The following PEAK1 variants were observed in gnomAD, a reference collection of about 807,000 sequenced individuals.
PEAK1 encodes pseudopodium enriched atypical kinase 1, also known as inactive tyrosine-protein kinase PEAK1.
PEAK1 carries 54 observed loss-of-function variants against 124.7 expected under a neutral mutation model. That is an observed-to-expected ratio of 0.43 (90% CI 0.35 to 0.54). The LOEUF (loss-of-function observed/expected upper bound fraction) is 0.54, where lower values mean the gene tolerates loss of function less well. PEAK1 is among the 20% of genes least tolerant of loss of function. The probability of loss-of-function intolerance (pLI) is 0.01; values close to 1 mark genes in which losing one functional copy is unlikely to be tolerated. For missense variants in PEAK1, 2,046 were observed against 2,134.5 expected, an observed-to-expected ratio of 0.96 and a Z score of 0.82; for synonymous variants, 719 against 760.0, an observed-to-expected ratio of 0.95 and a Z score of 0.89.
intron 9 of PEAK1, among the ~76,000 whole-genome samples, chr15:77,132,627 G>A (rs558782292): frequency 7.3e-5 from 11 of 151,386 alleles, no homozygotes; most frequent in African/African-American, 9.7e-5. Context: ...CCTGGGAGGC[G>A]GAGGTTGCAG....
chr15:77,176,143 C>G (rs1362582244), intron 7 of PEAK1, among the ~76,000 whole-genome samples: 1 of 151,172 alleles, frequency 6.6e-6, no homozygotes, highest in South Asian at 2.1e-4. Context: ...AGGAGATATA[C>G]CTAATGCTAA....
At chr15:77,360,863 T>G (rs1460176753) in intron 2 of PEAK1, among the ~76,000 whole-genome samples, 1 of 152,006 alleles carries the variant, frequency 6.6e-6, no homozygotes. Flanking sequence ...CCCCTACCTC[T>G]CACCCTATAC....
intron 2 of PEAK1, among the ~76,000 whole-genome samples, chr15:77,343,504 T>A: frequency 1.5e-5 from 1 of 65,430 alleles, no homozygotes; most frequent in East Asian, 4.4e-4. Flanking sequence ...TTTTTTTTTT[T>A]GAGACGGAGT....
chr15:77,333,177 G>A, intron 2 of PEAK1: 5 of 937,738 alleles, frequency 5.3e-6, no homozygotes, highest in Non-Finnish European at 5.1e-6. Context: ...TAGCAAAGAG[G>A]TCTCACTTTA....
intron 2 of PEAK1, among the ~76,000 whole-genome samples, chr15:77,311,194 A>G (rs1366047632): frequency 6.6e-6 from 1 of 152,222 alleles, no homozygotes; most frequent in African/African-American, 2.4e-5. Flanking sequence ...GGCATCTCCC[A>G]TATGATAACT....
intron 2 of PEAK1, chr15:77,332,904 A>G: frequency 4.6e-6 from 1 of 216,212 alleles, no homozygotes; most frequent in Non-Finnish European, 7.9e-6. Flanking sequence ...TTTACTAATG[A>G]GATTGATGAT....
At chr15:77,173,138 A>G (rs911108986) in intron 7 of PEAK1, among the ~76,000 whole-genome samples, 2 of 152,150 alleles carry the variant, frequency 1.3e-5, no homozygotes, top group African/African-American at 4.8e-5. Context: ...CATGGCTTTG[A>G]TTTATGCTAA....
At position 77,181,898 on chromosome 15, in the gene PEAK1, T is replaced by C. The variant is rs2057296137; in HGVS notation, c.29A>G (p.His10Arg). Residue 10 changes from histidine to arginine, a missense_variant, in exon 7 of 10, where the codon CAT becomes CGT. Coordinates refer to ENST00000682557, the MANE Select transcript of PEAK1 (RefSeq NM_001385026.1). Reference protein sequence around the residue: MSACNTFTEHVWKPGECKNC... With the variant: MSACNTFTERVWKPGECKNC... ...CTTGCATTCACCAGGTTTCCAAACA[T>C]GTTCAGTAAAGGTGTTACAAGCAGA... is the stretch of plus-strand genomic sequence containing the variant. 1 of 1,590,074 alleles carries C rather than the reference T, an allele frequency of 6.3e-7. No individual in the cohort carries two copies. Among genetic ancestry groups the C allele is most frequent in the Non-Finnish European group, 8.6e-7 (1 of 1,166,836 alleles).
At chr15:77,338,268 A>C (rs950175051) in intron 2 of PEAK1, among the ~76,000 whole-genome samples, 4 of 152,210 alleles carry the variant, frequency 2.6e-5, no homozygotes, top group African/African-American at 4.8e-5. Context: ...AACTTGCTGC[A>C]TTCATCAGCA....
In PEAK1 at chr15:77,333,176, G is replaced by A. The variant is rs1357818172; in HGVS notation, c.-603+31987C>T. 4 of 936,182 alleles carry A rather than the reference G, an allele frequency of 4.3e-6. No homozygotes were observed. The East Asian group carries it at 4.7e-4, about 109-fold the overall frequency. The allele number at this position is 936,182 out of a possible 1,614,324, so 58.0% of individuals were successfully genotyped here. A position where few individuals can be genotyped will look rare whatever the true frequency, so the allele number is the denominator to read the frequency against. On this transcript the variant is annotated intron_variant, in intron 2 of 9. Coordinates refer to ENST00000682557, the MANE Select transcript of PEAK1 (RefSeq NM_001385026.1). ...TTTATTTATTTATTTATAGCAAAGA[G>A]GTCTCACTTTATTGCTCAGGCTGGT...
rs182333460 is a variant in PEAK1, at chr15:77,401,633, A to T, written c.-666+18373T>A. The T allele has an allele frequency of 3.3e-4, 330 of 985,106 alleles. 2 individuals carry two copies. The African/African-American group carries it at 5.5e-3, about 16-fold the overall frequency. 61.0% of individuals were successfully genotyped at this position (985,106 alleles called of 1,614,324 possible). A position where few individuals can be genotyped will look rare whatever the true frequency, so the allele number is the denominator to read the frequency against. ...AAACATATCTTTGTATTTTCCACAG[A>T]ATGTTATTCATTAGAACTTCAATGG... On this transcript the variant is annotated intron_variant, in intron 1 of 9. Transcript: ENST00000682557.
At position 77,284,016 on chromosome 15, in the gene PEAK1, A is replaced by G; in HGVS notation, c.-408T>C. ...TCACAAAATGGTACTTCATTGAAGG[A>G]TGTAATTAGTCTCACTAAAGCAAGA... On this transcript the variant is annotated 5_prime_UTR_variant, in exon 5 of 10. Transcript: ENST00000682557. 1 of 985,282 alleles carries G rather than the reference A, an allele frequency of 1.0e-6. No homozygotes were observed. The highest frequency in any genetic ancestry group is 1.2e-6 in the Non-Finnish European group (1 of 829,820). 61.0% of individuals were successfully genotyped at this position (985,282 alleles called of 1,614,324 possible). A position where few individuals can be genotyped will look rare whatever the true frequency, so the allele number is the denominator to read the frequency against.
chr15:77,180,884 A>G lies in PEAK1; in HGVS notation c.1043T>C (p.Leu348Ser). The change falls in exon 7 of 10, where the codon TTA becomes TCA. Residue 348 changes from leucine (L) to serine (S), a missense_variant. Coordinates refer to ENST00000682557, the MANE Select transcript of PEAK1 (RefSeq NM_001385026.1). ...SSDSTSPDSS[L>S]TEESRSETAS... ...TGTCTCAGAACGTGATTCTTCTGTT[A>G]AAGAAGAATCTGGTGATGTGGAGTC... The G allele has an allele frequency of 1.2e-6, 2 of 1,614,046 alleles. No homozygotes were observed. Among genetic ancestry groups the G allele is most frequent in the Non-Finnish European group, 1.7e-6 (2 of 1,179,986 alleles).
At chr15:77,143,581 C>G (rs2053956597) in intron 8 of PEAK1, among the ~76,000 whole-genome samples, 1 of 152,172 alleles carries the variant, frequency 6.6e-6, no homozygotes, top group African/African-American at 2.4e-5. Context: ...TGCGGTTTCT[C>G]CAGCACTCTT....
chr15:77,403,443 G>A, intron 1 of PEAK1: 1 of 925,976 alleles, frequency 1.1e-6, no homozygotes, highest in South Asian at 5.0e-5. Flanking sequence ...TTGATTGTAA[G>A]GGTAAATAAT....
intron 2 of PEAK1, chr15:77,334,477 C>A: frequency 1.0e-6 from 1 of 985,272 alleles, no homozygotes; most frequent in Non-Finnish European, 1.2e-6. Flanking sequence ...GAGATTTAGT[C>A]AGATTTATTC....
At position 77,160,034 on chromosome 15, in the gene PEAK1, T is replaced by C. The variant is rs530118552; in HGVS notation, c.3138-1338A>G. On this transcript the variant is annotated intron_variant, in intron 7 of 9. Transcript: ENST00000682557. ...GTGAGGTTGGAAGGAATCACTTTTC[T>C]AGCAGTCAAGAGAGTAGTATATATA... Among the ~76,000 whole-genome samples, 4 of 152,146 alleles carry C rather than the reference T, an allele frequency of 2.6e-5. No homozygotes were observed. The South Asian group carries it at 6.2e-4, about 24-fold the overall frequency.
rs185455426 is a variant in PEAK1, at chr15:77,259,685, T to C, written c.-274-7159A>G. ...CACCATAAACAATTAGAATACAGCA[T>C]AAAATACTGGAAAGGACTATTTTCA... On this transcript the variant is annotated intron_variant, in intron 5 of 9. Transcript: ENST00000682557. Among the ~76,000 whole-genome samples, 54 of 152,216 alleles carry C rather than the reference T, an allele frequency of 3.5e-4. 1 individual carries two copies. Among genetic ancestry groups the C allele is most frequent in the Non-Finnish European group, 6.0e-4 (41 of 67,998 alleles).
intron 1 of PEAK1, chr15:77,371,537 C>CCAT (rs1400033120): frequency 7.2e-5 from 27 of 377,252 alleles, no homozygotes; most frequent in African/African-American, 9.5e-5. Context: ...ACCACCACCA[C>CCAT]CATCATCATC....
Sources: allele counts gnomAD v4.1 joint callset (sites outside exome capture counted in the v4.1 genomes callset), GRCh38; gene constraint gnomAD v4.1.1; transcripts MANE v1.5; gene names NCBI Gene and HGNC (gene_info 2026-07-23, HGNC 2026-07-21).